CNOT6: variants seen among roughly 807,000 people sequenced by gnomAD.
CNOT6 encodes the protein carbon catabolite repression 4 protein.
In CNOT6, 12 loss-of-function variants were observed where a neutral mutation model predicts 61.2. That is an observed-to-expected ratio of 0.20 (90% CI 0.13 to 0.32). CNOT6 has a LOEUF of 0.32. Ranked by LOEUF, CNOT6 falls within the 10% of genes least tolerant of loss-of-function variation. The probability of loss-of-function intolerance (pLI) is 1.00; values close to 1 mark genes in which losing one functional copy is unlikely to be tolerated. For synonymous variants in CNOT6, 225 were observed against 240.6 expected (o/e 0.94, Z 0.60); for missense variants, 405 against 663.9 (o/e 0.61, Z 4.28).
At chr5:180,522,459 C>A (rs1478244989) in intron 1 of CNOT6, among the ~76,000 whole-genome samples, 1 of 152,140 alleles carries the variant, frequency 6.6e-6, no homozygotes, top group Non-Finnish European at 1.5e-5. Flanking sequence ...CTGTTTTTCA[C>A]AATGGCTAAA....
chr5:180,525,931 T>A (rs1479816168), intron 1 of CNOT6, among the ~76,000 whole-genome samples: 2 of 150,576 alleles, frequency 1.3e-5, no homozygotes. Flanking sequence ...TAAAAAAAAA[T>A]TAAAAACAAA....
intron 2 of CNOT6, among the ~76,000 whole-genome samples, chr5:180,535,372 A>G (rs1376334786): frequency 6.6e-6 from 1 of 152,162 alleles, no homozygotes; most frequent in Non-Finnish European, 1.5e-5. Flanking sequence ...GTGCATGTGT[A>G]CCCATTGTTT....
chr5:180,555,426 GCTTTA>G (rs1462821187), intron 4 of CNOT6, among the ~76,000 whole-genome samples: 3 of 152,146 alleles, frequency 2.0e-5, no homozygotes, highest in African/African-American at 4.8e-5. Context: ...CATTTCAGAT[GCTTTA>G]CTTTATCACC....
chr5:180,500,460 T>C (rs1053176942), intron 1 of CNOT6, among the ~76,000 whole-genome samples: 38 of 143,226 alleles, frequency 2.7e-4, no homozygotes, highest in Non-Finnish European at 5.0e-4. Flanking sequence ...TTTTTTGAGA[T>C]GGAGTCTCAC....
Position 180,574,095 on chromosome 5 carries a change from G to A in CNOT6, c.1569G>A (p.Pro523=), listed in dbSNP as rs756458723. The A allele has an allele frequency of 3.1e-6, 5 of 1,613,848 alleles. No homozygotes were observed. Among genetic ancestry groups the A allele is most frequent in the South Asian group, 1.1e-5 (1 of 91,058 alleles). The change falls in exon 12 of 12, where the codon CCG becomes CCA. Residue 523 remains proline (P), a synonymous_variant. Transcript: ENST00000261951. ...WLVENNISGC[P]HPLIPSDHFS... is the part of the protein sequence containing the mutation. ...TTGAGAATAACATCAGTGGCTGCCC[G>A]CACCCCCTCATCCCCTCTGACCACT...
chr5:180,518,894 G>T (rs962497517), intron 1 of CNOT6, among the ~76,000 whole-genome samples: 2 of 152,044 alleles, frequency 1.3e-5, no homozygotes, highest in Non-Finnish European at 2.9e-5. Context: ...ACATTTTCTT[G>T]TAGAGACGAG....
rs188116520 is a variant in CNOT6 at position 180,570,031 on chromosome 5, G to A, written c.1258+691G>A. 1.5e-3 allele frequency among the ~76,000 whole-genome samples: 225 copies of A among 152,214 alleles called. 1 individual carries two copies. The highest frequency in any genetic ancestry group is 4.4e-3 in the African/African-American group (184 of 41,570). On this transcript the variant is annotated intron_variant, in intron 10 of 11. Coordinates refer to ENST00000261951, the MANE Select transcript of CNOT6 (RefSeq NM_001370472.1). ...CACACACACGCACATTTGGAAGCAC[G>A]TTCTTGACATCACAATAGATAGAGC...
At chr5:180,507,687 C>G (rs1006686022) in intron 1 of CNOT6, among the ~76,000 whole-genome samples, 4 of 152,196 alleles carry the variant, frequency 2.6e-5, no homozygotes, top group African/African-American at 7.2e-5. Flanking sequence ...TTAGTACATT[C>G]TTGCACTGCT....
intron 1 of CNOT6, among the ~76,000 whole-genome samples, chr5:180,513,607 C>T (rs549686104): frequency 3.7e-4 from 56 of 151,864 alleles, no homozygotes; most frequent in Non-Finnish European, 3.4e-4. Context: ...CTCCTGACCT[C>T]GTGATCTACC....
intron 2 of CNOT6, among the ~76,000 whole-genome samples, chr5:180,549,509 G>C (rs528437738): frequency 1.2e-4 from 18 of 152,188 alleles, no homozygotes; most frequent in Non-Finnish European, 2.2e-4. Flanking sequence ...AATTAGCCGG[G>C]CATGGTGGCG....
At chr5:180,562,076 C>A (rs527385410) in intron 4 of CNOT6, among the ~76,000 whole-genome samples, 2 of 152,178 alleles carry the variant, frequency 1.3e-5, no homozygotes, top group South Asian at 4.2e-4. Flanking sequence ...GGGTCTGTAC[C>A]CATTGGTATT....
chr5:180,535,347 T>G (rs1297112038), intron 2 of CNOT6, among the ~76,000 whole-genome samples: 1 of 152,232 alleles, frequency 6.6e-6, no homozygotes, highest in Non-Finnish European at 1.5e-5. Flanking sequence ...CAGTGTCTGT[T>G]TTTCCATTCT....
chr5:180,567,184 A>G lies in CNOT6; in HGVS notation c.814A>G (p.Met272Val), dbSNP rs147102262. ...FFSPKSRARTMSEQERKHVDG... is the reference protein window; with the variant it reads ...FFSPKSRARTVSEQERKHVDG... Reference sequence around the variant, plus strand: ...CAGTCCTAAGTCTAGAGCTAGGACAATGTCAGAACAAGAAAGGAAACATGT... The same window carrying G: ...CAGTCCTAAGTCTAGAGCTAGGACAGTGTCAGAACAAGAAAGGAAACATGT... The change falls in exon 8 of 12, where the codon ATG (methionine) becomes GTG (valine). Residue 272 changes from methionine (M) to valine (V), a missense_variant. Met to Val is a conservative substitution (Grantham distance 21). Transcript: ENST00000261951. The G allele has an allele frequency of 2.4e-5, 38 of 1,613,418 alleles. No individual in the cohort carries two copies. Among genetic ancestry groups the G allele is most frequent in the Admixed American group, 5.0e-5 (3 of 59,878 alleles).
intron 1 of CNOT6, among the ~76,000 whole-genome samples, chr5:180,512,191 G>A (rs537398893): frequency 1.9e-4 from 29 of 152,334 alleles, no homozygotes; most frequent in African/African-American, 6.5e-4. Context: ...GTCTTGCTTT[G>A]TGTAAGGCAT....
At chr5:180,547,318 G>C (rs777102477) in intron 2 of CNOT6, among the ~76,000 whole-genome samples, 1 of 151,916 alleles carries the variant, frequency 6.6e-6, no homozygotes, top group South Asian at 2.1e-4. Flanking sequence ...TCAGGTGCTC[G>C]AGACCAGCCT....
chr5:180,530,000 C>T (rs1758280212), intron 2 of CNOT6, among the ~76,000 whole-genome samples: 1 of 152,234 alleles, frequency 6.6e-6, no homozygotes, highest in African/African-American at 2.4e-5. Context: ...TCCCCAGCAT[C>T]TCTGCCAGTG....
At chr5:180,510,134 CTTTTTTTTTTTTTTTTTTT>C (rs56899929) in intron 1 of CNOT6, among the ~76,000 whole-genome samples, 697 of 37,480 alleles carry the variant, frequency 0.019, 30 homozygotes, top group African/African-American at 0.051. Context: ...GTCTGTAAAC[CTTTTTTTTTTTTTTTTTTT>C]TTTTTTTTTT....
Position 180,516,705 on chromosome 5 carries a change from T to A in CNOT6, c.-2-12570T>A, listed in dbSNP as rs994672986. Among the ~76,000 whole-genome samples, 3 of 152,122 alleles carry A rather than the reference T, an allele frequency of 2.0e-5. No homozygotes were observed. The South Asian group carries it at 6.2e-4, about 31-fold the overall frequency. Reference sequence around the variant, plus strand: ...ATGTCTTCTCTCATTGTCCATAAAATTTTTTTTATTGCTGATTTGTGGATC... The same window carrying A: ...ATGTCTTCTCTCATTGTCCATAAAAATTTTTTTATTGCTGATTTGTGGATC... On this transcript the variant is annotated intron_variant, in intron 1 of 11. Coordinates refer to ENST00000261951, the MANE Select transcript of CNOT6 (RefSeq NM_001370472.1).
Position 180,567,859 on chromosome 5 carries a change from G to C in CNOT6, c.883G>C (p.Val295Leu), listed in dbSNP as rs142504544. ...TTGTTTTTGTTTTAGATTTACTTTGGTTCAGAAACACACTGTTGAATTTAA... is the reference window on the plus strand; with the variant it reads ...TTGTTTTTGTTTTAGATTTACTTTGCTTCAGAAACACACTGTTGAATTTAA... ...IFFKTEKFTL[V>L]QKHTVEFNQL... is the part of the protein sequence containing the mutation. Residue 295 changes from valine (V) to leucine (L), a missense_variant, in exon 9 of 12, where the codon GTT becomes CTT. Physicochemically the swap from Val to Leu is conservative, Grantham distance 32. Around this residue, in one of 5 missense-constraint regions of CNOT6, gnomAD observed 24 missense variants for 85.2 expected, o/e 0.28. Transcript: ENST00000261951. 134 of 1,613,962 alleles carry C rather than the reference G, an allele frequency of 8.3e-5. No individual in the cohort carries two copies. The African/African-American group carries it at 1.3e-3, about 15-fold the overall frequency.
Sources: gnomAD v4.1 joint callset for allele counts (sites outside exome capture counted in the v4.1 genomes callset) on GRCh38, gnomAD v4.1.1 for gene constraint, gnomAD v4.1.1 regional missense constraint, MANE v1.5 for transcripts, NCBI Gene and HGNC (gene_info 2026-07-23, HGNC 2026-07-21) for gene names.